XPC: variants seen among roughly 807,000 people sequenced by gnomAD.
XPC encodes the protein XPC complex subunit, DNA damage recognition and repair factor.
A neutral mutation model predicts 95.8 loss-of-function variants in XPC; 76 were observed. The ratio of observed to expected loss-of-function variants is 0.79; its 90% CI spans 0.66 to 0.96. The LOEUF is 0.96. XPC is among the 40% of genes least tolerant of loss of function. The pLI, the probability that XPC is intolerant of heterozygous loss-of-function variation, is 0.00. For synonymous variants in XPC, 442 were observed against 442.1 expected (o/e 1.00, Z 0.00); for missense variants, 1,146 against 1,179.8 (o/e 0.97, Z 0.42).
At chr3:14,148,045 G>A in intron 13 of XPC, 44 bp from the exon 14 acceptor site, 1 of 1,493,196 alleles carries the variant, frequency 6.7e-7, no homozygotes, top group South Asian at 1.3e-5. Context: ...CCTGCTGCCT[G>A]CTCTGCCTCT....
intron 13 of XPC, 185 bp from the exon 14 acceptor site, chr3:14,148,186 T>C: frequency 1.7e-6 from 1 of 600,234 alleles, no homozygotes; most frequent in Non-Finnish European, 2.9e-6. Context: ...GCACTGCCTC[T>C]TCCTCCCCAG....
intron 7 of XPC, among the ~76,000 whole-genome samples, chr3:14,163,075 C>T (rs1007068180): frequency 6.6e-6 from 1 of 152,172 alleles, no homozygotes; most frequent in Admixed American, 6.6e-5. Context: ...ACTTGACACC[C>T]ATCATAATGA....
chr3:14,169,898 G>C (rs1347686164), intron 3 of XPC, among the ~76,000 whole-genome samples: 1 of 152,210 alleles, frequency 6.6e-6, no homozygotes, highest in Non-Finnish European at 1.5e-5. Context: ...CAGACAGAAG[G>C]AATCAGGGAT....
intron 1 of XPC, among the ~76,000 whole-genome samples, chr3:14,174,501 A>T (rs1353557021): frequency 6.6e-6 from 1 of 152,250 alleles, no homozygotes; most frequent in Non-Finnish European, 1.5e-5. Flanking sequence ...TAAAAAGCAC[A>T]GCTTTTATTT....
intron 14 of XPC, 95 bp from the exon 15 acceptor site, chr3:14,147,474 T>G: frequency 8.4e-7 from 1 of 1,189,948 alleles, no homozygotes; most frequent in Non-Finnish European, 1.2e-6. Context: ...GACAGATATA[T>G]ACACCACTTT....
chr3:14,149,106 C>CA (rs1465037218), intron 11 of XPC, among the ~76,000 whole-genome samples, 158 bp from the exon 12 acceptor site: 10 of 151,244 alleles, frequency 6.6e-5, no homozygotes, highest in African/African-American at 2.4e-4. Flanking sequence ...TTTTTTGAGA[C>CA]AGAGTCTCGC....
rs781217767 is a variant in XPC, at chr3:14,158,685, C to T, written c.1198G>A (p.Glu400Lys). The change falls in exon 9 of 16, where the codon GAG (glutamate) becomes AAG (lysine). Residue 400 changes from glutamate to lysine, a missense_variant. By Grantham distance (56) the Glu-to-Lys change is moderately conservative. Transcript: ENST00000285021. The surrounding 1 kb of genome is among the most constrained non-coding windows in gnomAD (Gnocchi z 5.2). Reference sequence around the variant, plus strand: ...TTGTCTCCTGGGCCCTCATCTTCCTCGCTGGAGGAGGGCTTGCTCCGTTTC... The same window carrying T: ...TTGTCTCCTGGGCCCTCATCTTCCTTGCTGGAGGAGGGCTTGCTCCGTTTC... ...RKKRSKPSSS[E>K]EDEGPGDKQE... The T allele has an allele frequency of 7.4e-6, 12 of 1,613,856 alleles. No individual in the cohort carries two copies. The highest frequency in any genetic ancestry group is 1.6e-4 in the Middle Eastern group (1 of 6,062).
Position 14,158,537 on chromosome 3 carries a change from C to A in XPC, c.1346G>T (p.Ser449Ile). 3 of 1,613,500 alleles carry A rather than the reference C, an allele frequency of 1.9e-6. No homozygotes were observed. The highest frequency in any genetic ancestry group is 8.5e-7 in the Non-Finnish European group (1 of 1,179,802). The part of the protein sequence containing the change: ...AGSGSDFELS[S>I]GEASDPSDED... ...ATCAGAGGGATCAGAGGCTTCTCCA[C>A]TGGAGAGCTCAAAATCAGAGCCGCT... is the stretch of plus-strand genomic sequence containing the variant. The change falls in exon 9 of 16, where the codon AGT becomes ATT. Residue 449 changes from serine to isoleucine, a missense_variant. Transcript: ENST00000285021. The surrounding 1 kb of genome is among the most constrained non-coding windows in gnomAD (Gnocchi z 5.2).
intron 1 of XPC, among the ~76,000 whole-genome samples, chr3:14,174,020 T>C (rs1696715614): frequency 2.0e-5 from 3 of 152,202 alleles, no homozygotes; most frequent in African/African-American, 4.8e-5. Flanking sequence ...TGGGTATTTA[T>C]ATTCCACAAG....
At chr3:14,159,011 G>A in intron 8 of XPC, 119 bp from the exon 9 acceptor site, 1 of 1,307,868 alleles carries the variant, frequency 7.6e-7, no homozygotes. Flanking sequence ...ACATCAAGAT[G>A]TCCCCAGCTC....
intron 13 of XPC, chr3:14,148,207 A>C (rs1695528219): frequency 1.7e-6 from 1 of 588,064 alleles, no homozygotes; most frequent in African/African-American, 1.9e-5. Context: ...ATTCTGCCGA[A>C]GAAAGCTGGG....
At chr3:14,175,619 T>C (rs1192090076) in intron 1 of XPC, among the ~76,000 whole-genome samples, 2 of 152,172 alleles carry the variant, frequency 1.3e-5, no homozygotes, top group African/African-American at 4.8e-5. Context: ...ACTGAAGGTG[T>C]TAACACAGAG....
rs1696410444 is a variant in XPC, at chr3:14,167,083, C to A, written c.621+86G>T. ...TAAGAAACTTGCCATGGCCACAGAGCAGCAAAGCCAGAAATAAAGCCTCGG... is the reference window on the plus strand; with the variant it reads ...TAAGAAACTTGCCATGGCCACAGAGAAGCAAAGCCAGAAATAAAGCCTCGG... On this transcript the variant is annotated intron_variant, in intron 5 of 15. Transcript: ENST00000285021. The A allele has an allele frequency of 2.4e-6, 3 of 1,244,680 alleles. No homozygotes were observed. In the East Asian group the frequency reaches 8.1e-5, roughly 34 times the overall value. 77.1% of individuals were successfully genotyped at this position (1,244,680 alleles called of 1,614,324 possible).
chr3:14,148,673 C>T lies in XPC; in HGVS notation c.2309G>A (p.Gly770Asp). The change falls in exon 13 of 16, where the codon GGC (glycine) becomes GAC (aspartate). Residue 770 changes from glycine (G) to aspartate (D), a missense_variant. Physicochemically the swap from Gly to Asp is moderately conservative, Grantham distance 94. Transcript: ENST00000285021. ...YLFLPSMMPIGCVQLNLPNLH... is the reference protein window; with the variant it reads ...YLFLPSMMPIDCVQLNLPNLH... ...ATTGGGCAGGTTCAGCTGGACACAG[C>T]CAATAGGCATCATGCTGGGCAGGAA... is the stretch of plus-strand genomic sequence containing the variant. 1 of 1,613,504 alleles carries T rather than the reference C, an allele frequency of 6.2e-7. No individual in the cohort carries two copies.
At position 14,158,414 on chromosome 3, in the gene XPC, C is replaced by G; in HGVS notation, c.1469G>C (p.Ser490Thr). 1 of 1,613,902 alleles carries G rather than the reference C, an allele frequency of 6.2e-7. No homozygotes were observed. The highest frequency in any genetic ancestry group is 8.5e-7 in the Non-Finnish European group (1 of 1,179,862). The change falls in exon 9 of 16, where the codon AGC (serine) becomes ACC (threonine). Residue 490 changes from serine to threonine, a missense_variant. Ser to Thr is a moderately conservative substitution (Grantham distance 58, BLOSUM62 1). Transcript: ENST00000285021. This position sits in a 1 kb window ranked among gnomAD's most constrained non-coding sequence, Gnocchi z 5.2. ...TGGCAAGCTTGGGTCCTTACGATGGCTCCCACGATGGGTCCTGGAGGCACT... is the reference window on the plus strand; with the variant it reads ...TGGCAAGCTTGGGTCCTTACGATGGGTCCCACGATGGGTCCTGGAGGCACT... The part of the protein sequence containing the change: ...SKSASRTHRG[S>T]HRKDPSLPAA...
chr3:14,148,197 A>C, intron 13 of XPC, 196 bp from the exon 14 acceptor site: 1 of 592,758 alleles, frequency 1.7e-6, no homozygotes, highest in Non-Finnish European at 2.9e-6. Context: ...TCCTCCCCAG[A>C]TTCTGCCGAA....
chr3:14,167,467 C>G (rs1350432798), intron 4 of XPC, among the ~76,000 whole-genome samples: 1 of 152,144 alleles, frequency 6.6e-6, no homozygotes, highest in Non-Finnish European at 1.5e-5. Flanking sequence ...ACATTCTGTA[C>G]CCAGACAACC....
At chr3:14,167,684 C>T (rs1696438227) in intron 4 of XPC, among the ~76,000 whole-genome samples, 1 of 152,204 alleles carries the variant, frequency 6.6e-6, no homozygotes, top group African/African-American at 2.4e-5. Flanking sequence ...TCCCATTAAT[C>T]TTCAAGACAA....
chr3:14,174,286 T>C (rs546507197), intron 1 of XPC, among the ~76,000 whole-genome samples: 12 of 150,058 alleles, frequency 8.0e-5, no homozygotes, highest in African/African-American at 1.9e-4. Context: ...TGAGAACAGA[T>C]TGCCTACTCC....
Sources: allele counts gnomAD v4.1 joint callset (sites outside exome capture counted in the v4.1 genomes callset), GRCh38; gene constraint gnomAD v4.1.1; non-coding constraint Gnocchi (gnomAD v3.1); transcripts MANE v1.5; gene names NCBI Gene and HGNC (gene_info 2026-07-23, HGNC 2026-07-21).